NXPE3: variants seen among roughly 807,000 people sequenced by gnomAD.
NXPE3 encodes the protein neurexophilin and PC-esterase domain family member 3, also known as NXPE family member 3.
NXPE3 carries 26 observed loss-of-function variants against 46.1 expected under a neutral mutation model. The ratio of observed to expected loss-of-function variants is 0.56; its 90% CI spans 0.41 to 0.78. NXPE3 has a LOEUF of 0.78. Among genes scored for constraint, NXPE3 ranks in the 30% least tolerant of loss-of-function variants. The pLI is 0.00. For missense variants in NXPE3, 620 were observed against 686.0 expected, an observed-to-expected ratio of 0.90 and a Z score of 1.07; for synonymous variants, 272 against 257.9, an observed-to-expected ratio of 1.05 and a Z score of -0.52.
chr3:101,808,818 G>GATATAGATAGATATAT (rs71132598), intron 6 of NXPE3, among the ~76,000 whole-genome samples: 2 of 30,814 alleles, frequency 6.5e-5, no homozygotes, highest in African/African-American at 2.3e-4. Context: ...AATTTTAGAG[G>GATATAGATAGATATAT]ATATATATAT....
At position 101,824,162 on chromosome 3, in the gene NXPE3, T is replaced by C. The variant is rs1192835567; in HGVS notation, c.*2208T>C. The C allele has an allele frequency of 6.6e-6, 1 of 151,194 alleles. No homozygotes were observed. Among genetic ancestry groups the C allele is most frequent in the Non-Finnish European group, 1.5e-5 (1 of 68,018 alleles). 9.4% of individuals were successfully genotyped at this position (151,194 alleles called of 1,614,324 possible). A position where few individuals can be genotyped will look rare whatever the true frequency, so the allele number is the denominator to read the frequency against. On this transcript the variant is annotated 3_prime_UTR_variant, in exon 8 of 8. Transcript: ENST00000273347. ...GCCTCTGGGATTTATGAAACCAACC[T>C]TTGTGGCGAGTGCTCAGTGATTCTG...
chr3:101,786,089 A>G (rs1024038054), intron 4 of NXPE3, among the ~76,000 whole-genome samples: 2 of 152,150 alleles, frequency 1.3e-5, no homozygotes, highest in Non-Finnish European at 2.9e-5. Context: ...CCCATGGAAA[A>G]AAGCTGAAGG....
rs1942485363 is a variant in NXPE3 at position 101,826,357 on chromosome 3, TGTG to T, written c.*4405_*4407del. ...CTAAAAAACTGCTCAGCATTATCTCTGTGGATTCTGGGTAAATTCAGCTTTTTA... is the reference window on the plus strand; with the variant it reads ...CTAAAAAACTGCTCAGCATTATCTCTGATTCTGGGTAAATTCAGCTTTTTA... On this transcript the variant is annotated 3_prime_UTR_variant, in exon 8 of 8. Transcript: ENST00000273347. 1.3e-5 allele frequency: 2 copies of T among 152,320 alleles called. No homozygotes were observed. The highest frequency in any genetic ancestry group is 4.1e-4 in the South Asian group (2 of 4,830). 9.4% of individuals were successfully genotyped at this position (152,320 alleles called of 1,614,324 possible). A position where few individuals can be genotyped will look rare whatever the true frequency, so the allele number is the denominator to read the frequency against.
intron 7 of NXPE3, among the ~76,000 whole-genome samples, chr3:101,820,860 T>C (rs559063275): frequency 6.6e-6 from 1 of 152,156 alleles, no homozygotes; most frequent in African/African-American, 2.4e-5. Flanking sequence ...CAGTAGACAC[T>C]GGGGTCTACT....
In NXPE3 at chr3:101,798,801, A is replaced by T. The variant is rs574930236; in HGVS notation, c.94-2434A>T. Among the ~76,000 whole-genome samples the T allele has an allele frequency of 1.8e-3, 281 of 152,000 alleles. 2 individuals are homozygous for T. The highest frequency in any genetic ancestry group is 3.5e-3 in the Non-Finnish European group (241 of 67,970). ...CTAAATTTTTGTATTTTTAGTAGAG[A>T]CAGGGTTTCACCATGTTGCCCAGAC... On this transcript the variant is annotated intron_variant, in intron 4 of 7. Transcript: ENST00000273347.
intron 1 of NXPE3, chr3:101,779,862 T>A (rs758791580): frequency 6.6e-6 from 1 of 152,498 alleles, no homozygotes; most frequent in African/African-American, 2.4e-5. Flanking sequence ...TGGACTGTTC[T>A]GGCCTTACTG....
intron 6 of NXPE3, among the ~76,000 whole-genome samples, chr3:101,815,565 A>T (rs989576732): frequency 6.6e-6 from 1 of 152,204 alleles, no homozygotes; most frequent in Admixed American, 6.5e-5. Context: ...TGGCTTTGAT[A>T]AAAACATATG....
Position 101,801,298 on chromosome 3 carries a change from C to CA in NXPE3, c.158dup (p.Val54GlyfsTer5). 1 of 1,614,178 alleles carries CA rather than the reference C, an allele frequency of 6.2e-7. No homozygotes were observed. Among genetic ancestry groups the CA allele is most frequent in the Non-Finnish European group, 8.5e-7 (1 of 1,180,024 alleles). On this transcript the variant is annotated frameshift_variant, in exon 5 of 8. Transcript: ENST00000273347. LOFTEE classifies it high-confidence loss of function. The stretch of plus-strand genomic sequence containing the variant: ...CAGCAGTGGACAGTTTGTTTCCTCC[C>CA]AGGTGACAGGAATTAGCCGAAATCC...
At chr3:101,791,019 A>C (rs1940486479) in intron 4 of NXPE3, among the ~76,000 whole-genome samples, 1 of 152,174 alleles carries the variant, frequency 6.6e-6, no homozygotes, top group Non-Finnish European at 1.5e-5. Context: ...AGCATATGTC[A>C]GTGGGGGTTT....
intron 7 of NXPE3, among the ~76,000 whole-genome samples, chr3:101,817,791 A>G (rs1022684365): frequency 1.3e-5 from 2 of 152,136 alleles, no homozygotes; most frequent in African/African-American, 4.8e-5. Context: ...TTTAATGGCC[A>G]TGTGTGGGCA....
At chr3:101,791,881 CGTT>C (rs1210082113) in intron 4 of NXPE3, among the ~76,000 whole-genome samples, 10 of 152,190 alleles carry the variant, frequency 6.6e-5, no homozygotes, top group Non-Finnish European at 1.2e-4. Flanking sequence ...TTTCCACAAT[CGTT>C]GAACTAATTT....
chr3:101,822,097 A>G lies in NXPE3; in HGVS notation c.*143A>G. ...ATCTGGACTTAATATGATGACTTAT[A>G]AGGAGCTTAGAAAATGCAGGTTACA... On this transcript the variant is annotated 3_prime_UTR_variant, in exon 8 of 8. Coordinates refer to ENST00000273347, the MANE Select transcript of NXPE3 (RefSeq NM_145037.4). 2.9e-6 allele frequency: 2 copies of G among 693,916 alleles called. No homozygotes were observed. The highest frequency in any genetic ancestry group is 2.4e-6 in the Non-Finnish European group (1 of 420,364). The allele number at this position is 693,916 out of a possible 1,614,324, so 43.0% of individuals were successfully genotyped here. A position where few individuals can be genotyped will look rare whatever the true frequency, so the allele number is the denominator to read the frequency against.
intron 4 of NXPE3, among the ~76,000 whole-genome samples, chr3:101,793,489 G>C (rs1024053307): frequency 6.6e-6 from 1 of 151,170 alleles, no homozygotes; most frequent in Non-Finnish European, 1.5e-5. Flanking sequence ...TGCTTAGCCT[G>C]TTTACATTTA....
chr3:101,783,961 G>A (rs1939990509), intron 3 of NXPE3, among the ~76,000 whole-genome samples: 1 of 152,194 alleles, frequency 6.6e-6, no homozygotes, highest in Non-Finnish European at 1.5e-5. Flanking sequence ...ACATTTCCTG[G>A]CATCCCTGTG....
Position 101,827,785 on chromosome 3 carries a change from G to GA in NXPE3, c.*5839dup, listed in dbSNP as rs1469369138. Among the ~76,000 whole-genome samples, 3 of 152,010 alleles carry GA rather than the reference G, an allele frequency of 2.0e-5. No individual in the cohort carries two copies. The highest frequency in any genetic ancestry group is 1.3e-4 in the Admixed American group (2 of 15,244). On this transcript the variant is annotated 3_prime_UTR_variant, in exon 8 of 8. Coordinates refer to ENST00000273347, the MANE Select transcript of NXPE3 (RefSeq NM_145037.4). ...TTGGTCTGGGAATTTCCAGTGTGCA[G>GA]AAAAAAAATCCACAAATCTAGGCCT...
At chr3:101,800,562 A>G (rs979402793) in intron 4 of NXPE3, among the ~76,000 whole-genome samples, 2 of 151,918 alleles carry the variant, frequency 1.3e-5, no homozygotes, top group African/African-American at 2.4e-5. Context: ...GTCCTTACCG[A>G]TTTTCTGCCT....
intron 6 of NXPE3, among the ~76,000 whole-genome samples, chr3:101,811,476 G>A (rs1012906647): frequency 4.6e-5 from 7 of 152,300 alleles, no homozygotes; most frequent in African/African-American, 1.7e-4. Context: ...TATAGATGAT[G>A]TGACCAAAGT....
At chr3:101,780,877 C>G (rs758701601) in intron 1 of NXPE3, among the ~76,000 whole-genome samples, 2 of 152,114 alleles carry the variant, frequency 1.3e-5, no homozygotes, top group Non-Finnish European at 2.9e-5. Context: ...CTGCGGGACA[C>G]GAAGGAGAAA....
rs1359905484 is a variant in NXPE3 at position 101,816,956 on chromosome 3, T to C, written c.1084T>C (p.Ser362Pro). Residue 362 changes from serine (S) to proline (P), a missense_variant, in exon 7 of 8, where the codon TCA becomes CCA. Ser to Pro is a moderately conservative substitution (Grantham distance 74, BLOSUM62 -1). This residue lies in a region of NXPE3 where 511 missense variants were observed against 528.6 expected (regional missense o/e 0.97). Coordinates refer to ENST00000273347, the MANE Select transcript of NXPE3 (RefSeq NM_145037.4). ...QRKVVHLFGD[S>P]TIRQWFEYLT... ...AAAAGTGGTGCATTTATTTGGTGAC[T>C]CAACAATCAGGCAATGGTTTGAATA... 1 of 1,614,158 alleles carries C rather than the reference T, an allele frequency of 6.2e-7. No individual in the cohort carries two copies. The highest frequency in any genetic ancestry group is 8.5e-7 in the Non-Finnish European group (1 of 1,180,006).
Sources: allele counts gnomAD v4.1 joint callset (sites outside exome capture counted in the v4.1 genomes callset), GRCh38; gene constraint gnomAD v4.1.1; regional missense constraint gnomAD v4.1.1; transcripts MANE v1.5; gene names NCBI Gene and HGNC (gene_info 2026-07-23, HGNC 2026-07-21).